MTG1: variants seen among roughly 807,000 people sequenced by gnomAD.
The protein encoded by MTG1 is mitochondrial ribosome associated GTPase 1, also known as mitochondrial ribosome-associated GTPase 1.
A neutral mutation model predicts 39.5 loss-of-function variants in MTG1; 30 were observed. The ratio of observed to expected loss-of-function variants is 0.76; its 90% CI spans 0.57 to 1.03. The LOEUF is 1.03. Among genes scored for constraint, MTG1 ranks in the 50% least tolerant of loss-of-function variants. The pLI, the probability that MTG1 is intolerant of heterozygous loss-of-function variation, is 0.00. For synonymous variants in MTG1, 217 were observed against 179.0 expected, an observed-to-expected ratio of 1.21 and a Z score of -1.69; for missense variants, 513 against 447.4, an observed-to-expected ratio of 1.15 and a Z score of -1.32.
chr10:133,396,975 C>T (rs1849792555), intron 3 of MTG1, among the ~76,000 whole-genome samples: 1 of 152,184 alleles, frequency 6.6e-6, no homozygotes, highest in African/African-American at 2.4e-5. Context: ...GAAAGGGAGT[C>T]TCCCTTTCCC....
intron 3 of MTG1, among the ~76,000 whole-genome samples, chr10:133,396,704 A>G (rs751386019): frequency 1.3e-4 from 20 of 152,150 alleles, no homozygotes; most frequent in Non-Finnish European, 2.5e-4. Flanking sequence ...TGTAGCAATT[A>G]CTCTTCATTC....
rs1849781981 is a variant in MTG1 at position 133,396,263 on chromosome 10, A to G, written c.278A>G (p.Gln93Arg). 1.2e-6 allele frequency: 2 copies of G among 1,613,390 alleles called. No individual in the cohort carries two copies. Among genetic ancestry groups the G allele is most frequent in the South Asian group, 2.2e-5 (2 of 91,072 alleles). ...NKMDLADLTE[Q>R]QKIMQHLEGE... ...ATGGACTTGGCGGATCTTACAGAGC[A>G]GCAGGTAAAGGCCTTTCTCTCAGAC... is the stretch of plus-strand genomic sequence containing the variant. The change falls in exon 3 of 11, where the codon CAG becomes CGG. Residue 93 changes from glutamine (Q) to arginine (R), a missense_variant. Transcript: ENST00000317502.
chr10:133,407,210 G>C (rs1050407736), intron 9 of MTG1, among the ~76,000 whole-genome samples: 2 of 152,196 alleles, frequency 1.3e-5, no homozygotes, highest in Non-Finnish European at 2.9e-5. Flanking sequence ...CGAATATTTT[G>C]AAGTCAGGTA....
rs1052582 is a variant in MTG1, at chr10:133,420,336, C to G, written c.*171C>G. Reference sequence around the variant, plus strand: ...AGCTCCAGGGACCCCAGTTGCAGGGCCCAAGCAGGTGGGAGTGGACACCAG... The same window carrying G: ...AGCTCCAGGGACCCCAGTTGCAGGGGCCAAGCAGGTGGGAGTGGACACCAG... On this transcript the variant is annotated 3_prime_UTR_variant, in exon 11 of 11. Coordinates refer to ENST00000317502, the MANE Select transcript of MTG1 (RefSeq NM_138384.4). 0.22 allele frequency: 163,437 copies of G among 741,666 alleles called. 19,682 individuals carry two copies. Among genetic ancestry groups the G allele is most frequent in the East Asian group, 0.38 (12,597 of 32,790 alleles). The allele number at this position is 741,666 out of a possible 1,614,324, so 45.9% of individuals were successfully genotyped here.
At chr10:133,419,451 C>T (rs757143255) in intron 9 of MTG1, 29 bp from the exon 10 acceptor site, 4 of 1,559,110 alleles carry the variant, frequency 2.6e-6, no homozygotes, top group Non-Finnish European at 2.6e-6. Context: ...TGCTGGGCCC[C>T]CTGGTGCTGA....
chr10:133,398,345 A>G, intron 3 of MTG1, 90 bp from the exon 4 acceptor site: 1 of 1,284,124 alleles, frequency 7.8e-7, no homozygotes, highest in Non-Finnish European at 1.1e-6. Context: ...GGTTGCAGGG[A>G]GCCGAGATTG....
chr10:133,394,167 C>A lies in MTG1; in HGVS notation c.-54C>A, dbSNP rs960588582. The A allele has an allele frequency of 6.6e-6, 9 of 1,370,492 alleles. No individual in the cohort carries two copies. The highest frequency in any genetic ancestry group is 2.7e-5 in the South Asian group (2 of 75,452). The allele number at this position is 1,370,492 out of a possible 1,614,324, so 84.9% of individuals were successfully genotyped here. A position where few individuals can be genotyped will look rare whatever the true frequency, so the allele number is the denominator to read the frequency against. ...CAGCGCCGGAACCTCAGAGGCGGGT[C>A]GCAGCGGCGCAGAGGAGGTCAGCTG... On this transcript the variant is annotated 5_prime_UTR_variant, in exon 1 of 11. Coordinates refer to ENST00000317502, the MANE Select transcript of MTG1 (RefSeq NM_138384.4).
At chr10:133,408,994 A>G (rs1455731061) in intron 9 of MTG1, among the ~76,000 whole-genome samples, 1 of 148,236 alleles carries the variant, frequency 6.7e-6, no homozygotes, top group African/African-American at 2.5e-5. Context: ...TTTTTGTTTC[A>G]TTGATCTTTG....
chr10:133,409,617 GT>G (rs147153364), intron 9 of MTG1, among the ~76,000 whole-genome samples: 6,980 of 152,302 alleles, frequency 0.046, 294 homozygotes, highest in African/African-American at 0.11. Flanking sequence ...GAGAGGGGGT[GT>G]TGAAGCCCCC....
intron 5 of MTG1, 137 bp from the exon 6 acceptor site, chr10:133,399,392 T>G: frequency 8.5e-7 from 1 of 1,177,744 alleles, no homozygotes; most frequent in Non-Finnish European, 1.2e-6. Flanking sequence ...CCCCGCTGGG[T>G]GGGCAGAGCC....
chr10:133,420,125 A>T lies in MTG1; in HGVS notation c.965A>T (p.Asp322Val), dbSNP rs746503158. 6.2e-7 allele frequency: 1 copy of T among 1,613,078 alleles called. No homozygotes were observed. The highest frequency in any genetic ancestry group is 1.1e-5 in the South Asian group (1 of 91,010). Residue 322 changes from aspartate to valine, a missense_variant, in exon 11 of 11, where the codon GAC (aspartate) becomes GTC (valine). By Grantham distance (152) the Asp-to-Val change is radical. Transcript: ENST00000317502. ...CTGGGTTCCGTGATGCTGGACCTCG[A>T]CGTCCTGCGGGGCCACCCCCCGGCT... ...GLLGSVMLDL[D>V]VLRGHPPAET...
chr10:133,415,944 C>T (rs1421768044), intron 9 of MTG1, among the ~76,000 whole-genome samples: 2 of 95,598 alleles, frequency 2.1e-5, no homozygotes, highest in Non-Finnish European at 4.5e-5. Context: ...GTATCAGGCA[C>T]GCAGTTATCA....
chr10:133,398,261 G>A (rs566472065), intron 3 of MTG1, among the ~76,000 whole-genome samples, 174 bp from the exon 4 acceptor site: 2 of 152,318 alleles, frequency 1.3e-5, no homozygotes, highest in African/African-American at 2.4e-5. Context: ...TTATCTGGGC[G>A]TGGTGGCGCA....
intron 4 of MTG1, 106 bp downstream of exon 4, chr10:133,398,621 C>A (rs1849823415): frequency 1.4e-5 from 19 of 1,325,056 alleles, no homozygotes; most frequent in Non-Finnish European, 1.9e-5. Flanking sequence ...TGGAAAAGAT[C>A]CTAGGTGTTG....
At chr10:133,408,204 A>C (rs1249429830) in intron 9 of MTG1, among the ~76,000 whole-genome samples, 1 of 152,152 alleles carries the variant, frequency 6.6e-6, no homozygotes, top group Non-Finnish European at 1.5e-5. Context: ...TGGGCTTGTC[A>C]TGCGTGGCCT....
chr10:133,395,069 G>A (rs558329229), intron 1 of MTG1, among the ~76,000 whole-genome samples: 3 of 152,206 alleles, frequency 2.0e-5, no homozygotes, highest in Non-Finnish European at 2.9e-5. Context: ...GGCCTAATGA[G>A]CCAGTGTTAC....
chr10:133,395,746 T>G lies in MTG1; in HGVS notation c.146T>G (p.Val49Gly). 6.2e-7 allele frequency: 1 copy of G among 1,614,138 alleles called. No homozygotes were observed. The change falls in exon 2 of 11, where the codon GTG (valine) becomes GGG (glycine). Residue 49 changes from valine to glycine, a missense_variant. Val to Gly is a moderately radical substitution (Grantham distance 109). Transcript: ENST00000317502. ...LKKMQSSLKL[V>G]DCIIEVHDAR... ...AAGATGCAGAGCAGCCTGAAGCTGG[T>G]GGACTGTATCATCGAGGTCCACGAT...
Position 133,402,473 on chromosome 10 carries a change from TGACG to T in MTG1, c.671-215_671-212del. On this transcript the variant is annotated intron_variant, in intron 8 of 10. Transcript: ENST00000317502. The surrounding 1 kb of genome is among the most constrained non-coding windows in gnomAD (Gnocchi z 4.7). ...ATGAGTGGCCTTCCCTTTCCCCATT[TGACG>T]GACCAGGGCAGAGAGGTTGGTCGCA... is the stretch of plus-strand genomic sequence containing the variant. 1.4e-6 allele frequency: 1 copy of T among 692,468 alleles called. No individual in the cohort carries two copies. Among genetic ancestry groups the T allele is most frequent in the South Asian group, 1.8e-5 (1 of 55,504 alleles). 42.9% of individuals were successfully genotyped at this position (692,468 alleles called of 1,614,324 possible).
At chr10:133,410,293 A>G (rs915149569) in intron 9 of MTG1, among the ~76,000 whole-genome samples, 1 of 152,126 alleles carries the variant, frequency 6.6e-6, no homozygotes, top group Non-Finnish European at 1.5e-5. Flanking sequence ...TTGGCCTCAG[A>G]TGATCTTTCC....
Sources: gnomAD v4.1 joint callset for allele counts (sites outside exome capture counted in the v4.1 genomes callset) on GRCh38, gnomAD v4.1.1 for gene constraint, Gnocchi (gnomAD v3.1) non-coding constraint, MANE v1.5 for transcripts, NCBI Gene and HGNC (gene_info 2026-07-23, HGNC 2026-07-21) for gene names.